The following ELL variants were observed in gnomAD, a reference collection of about 807,000 sequenced individuals.
The protein encoded by ELL is elongation factor for RNA polymerase II.
ELL carries 18 observed loss-of-function variants against 64.0 expected under a neutral mutation model. That is an observed-to-expected ratio of 0.28 (90% CI 0.19 to 0.42). The LOEUF is 0.42. Among genes scored for constraint, ELL ranks in the 10% least tolerant of loss-of-function variants. The pLI, the probability that ELL is intolerant of heterozygous loss-of-function variation, is 1.00. For synonymous variants in ELL, 399 were observed against 376.2 expected (o/e 1.06, Z -0.70); for missense variants, 797 against 870.4 (o/e 0.92, Z 1.06).
chr19:18,479,005 C>G (rs925326079), intron 1 of ELL, among the ~76,000 whole-genome samples: 23 of 152,188 alleles, frequency 1.5e-4, no homozygotes, highest in Admixed American at 1.5e-3. Context: ...GCCAGAATCC[C>G]CTGATCCTCT....
intron 10 of ELL, chr19:18,446,030 A>G (rs1600417704): frequency 4.4e-6 from 2 of 457,892 alleles, no homozygotes; most frequent in East Asian, 7.7e-5. Flanking sequence ...GTGGGGATCC[A>G]TGTACCCCGG....
At chr19:18,505,385 C>T (rs1187609560) in intron 1 of ELL, among the ~76,000 whole-genome samples, 26 of 152,216 alleles carry the variant, frequency 1.7e-4, no homozygotes. Flanking sequence ...CAAGGGCACC[C>T]GGCAATAAGC....
At chr19:18,468,260 C>CACAGAA (rs1434948842) in intron 2 of ELL, among the ~76,000 whole-genome samples, 1 of 151,852 alleles carries the variant, frequency 6.6e-6, no homozygotes, top group Non-Finnish European at 1.5e-5. Flanking sequence ...AATCCATACA[C>CACAGAA]ACAGAAACAC....
intron 1 of ELL, among the ~76,000 whole-genome samples, chr19:18,475,420 C>A (rs923771544): frequency 2.0e-5 from 3 of 152,192 alleles, no homozygotes; most frequent in African/African-American, 7.2e-5. Context: ...CAAGGCTCAG[C>A]CACTGTGGAA....
intron 1 of ELL, among the ~76,000 whole-genome samples, chr19:18,512,424 G>T (rs1408121290): frequency 6.6e-6 from 1 of 152,144 alleles, no homozygotes; most frequent in Admixed American, 6.6e-5. Flanking sequence ...GGTCGCTTCA[G>T]CTCAGAAGTT....
chr19:18,455,150 A>G (rs556867047), intron 6 of ELL, among the ~76,000 whole-genome samples: 11 of 151,456 alleles, frequency 7.3e-5, no homozygotes, highest in Non-Finnish European at 1.6e-4. Context: ...CCAAAAAAAA[A>G]AAAAAAGAAA....
intron 10 of ELL, 163 bp from the exon 11 acceptor site, chr19:18,445,431 G>A (rs1037994965): frequency 5.4e-5 from 39 of 721,304 alleles, no homozygotes; most frequent in Non-Finnish European, 9.2e-5. Flanking sequence ...CTGTAGCTCC[G>A]GAGTGGGTGG....
chr19:18,470,016 C>A (rs1487604114), intron 2 of ELL, among the ~76,000 whole-genome samples: 1 of 152,248 alleles, frequency 6.6e-6, no homozygotes, highest in Non-Finnish European at 1.5e-5. Context: ...AGCTAACAGC[C>A]CACTAAAGTG....
intron 1 of ELL, among the ~76,000 whole-genome samples, chr19:18,505,876 C>T (rs961656334): frequency 6.6e-6 from 1 of 152,172 alleles, no homozygotes; most frequent in African/African-American, 2.4e-5. Flanking sequence ...TGACCCCACA[C>T]AGCAGAGGGA....
chr19:18,450,853 C>T lies in ELL; in HGVS notation c.1089G>A (p.Glu363=). Residue 363 remains glutamate, a synonymous_variant, in exon 8 of 12, where the codon GAG becomes GAA. Coordinates refer to ENST00000262809, the MANE Select transcript of ELL (RefSeq NM_006532.4). ...NGKLGVPNGR[E]ALLPTPGPPA... ...GTGGGCCCGGGGTGGGCAGCAAGGC[C>T]TCACGGCCATTGGGCACGCCCAGCT... 1 of 1,591,346 alleles carries T rather than the reference C, an allele frequency of 6.3e-7. No individual in the cohort carries two copies. Among genetic ancestry groups the T allele is most frequent in the Non-Finnish European group, 8.6e-7 (1 of 1,167,150 alleles).
At chr19:18,445,292 G>T in intron 10 of ELL, 24 bp from the exon 11 acceptor site, 1 of 1,550,880 alleles carries the variant, frequency 6.4e-7, no homozygotes, top group South Asian at 1.1e-5. Context: ...AAAATTTTGA[G>T]AAAACAGAAT....
At position 18,473,235 on chromosome 19, in the gene ELL, C is replaced by A. The variant is rs1034605388; in HGVS notation, c.136-353G>T. ...CTGTGAATCCACCGGGAGAGAAGGG[C>A]AAGGCTCAAGGTGCTCACAGCCCTG... On this transcript the variant is annotated intron_variant, in intron 1 of 11. Coordinates refer to ENST00000262809, the MANE Select transcript of ELL (RefSeq NM_006532.4). 1.2e-5 allele frequency: 7 copies of A among 562,788 alleles called. No homozygotes were observed. The Admixed American group carries it at 1.3e-4, about 11-fold the overall frequency. 34.9% of individuals were successfully genotyped at this position (562,788 alleles called of 1,614,324 possible).
chr19:18,465,389 GC>G (rs755915695), intron 4 of ELL, 22 bp downstream of exon 4: 33 of 1,575,346 alleles, frequency 2.1e-5, no homozygotes, highest in Non-Finnish European at 2.8e-5. Flanking sequence ...CTGCCCTACA[GC>G]CCTGCCAAAC....
chr19:18,472,956 T>G, intron 1 of ELL, 74 bp from the exon 2 acceptor site: 1 of 1,398,254 alleles, frequency 7.2e-7, no homozygotes, highest in Non-Finnish European at 9.4e-7. Flanking sequence ...AAAGACTCCC[T>G]CCCCAGGTAT....
rs201725032 is a variant in ELL at position 18,450,672 on chromosome 19, G to A, written c.1270C>T (p.Arg424Cys). Residue 424 changes from arginine to cysteine, a missense_variant, in exon 8 of 12, where the codon CGC (arginine) becomes TGC (cysteine). Arg to Cys is a radical substitution (Grantham distance 180). Transcript: ENST00000262809. ...TCCGTCAGCAGGGGCAGGCCGAGGC[G>A]CACAGTGGGGGCTGGGGCAGCCGCC... Reference protein sequence around the residue: ...GEAAAPAPTVRLGLPLLTDCA... With the variant: ...GEAAAPAPTVCLGLPLLTDCA... 1.1e-3 allele frequency: 1,707 copies of A among 1,585,928 alleles called. 3 individuals are homozygous for A. The highest frequency in any genetic ancestry group is 1.4e-3 in the Non-Finnish European group (1,602 of 1,167,010).
chr19:18,510,547 G>A (rs555700700), intron 1 of ELL, among the ~76,000 whole-genome samples: 12 of 152,196 alleles, frequency 7.9e-5, no homozygotes, highest in South Asian at 2.1e-4. Flanking sequence ...GATCCTGCTC[G>A]AGACCTTCCT....
At position 18,444,788 on chromosome 19, in the gene ELL, G is replaced by A. The variant is rs777550277; in HGVS notation, c.1830C>T (p.Ala610=). The change falls in exon 12 of 12, where the codon GCC becomes GCT. Residue 610 remains alanine (A), a synonymous_variant. Transcript: ENST00000262809. The part of the protein sequence containing the change: ...SKLAHIKRLI[A]EYDQRQLQAW... ...CCTGCAGCTGCCGCTGGTCGTACTC[G>A]GCGATGAGCCTCTTGATGTGGGCCA... 1.7e-5 allele frequency: 27 copies of A among 1,609,346 alleles called. No individual in the cohort carries two copies. The highest frequency in any genetic ancestry group is 6.7e-5 in the African/African-American group (5 of 74,922).
intron 1 of ELL, among the ~76,000 whole-genome samples, chr19:18,520,533 C>G (rs1391374860): frequency 6.6e-6 from 1 of 151,896 alleles, no homozygotes; most frequent in East Asian, 1.9e-4. Context: ...GACACCGGGA[C>G]AGGGAGGAAA....
intron 9 of ELL, 24 bp downstream of exon 9, chr19:18,446,724 T>C (rs1229254139): frequency 3.1e-6 from 5 of 1,613,414 alleles, no homozygotes; most frequent in Non-Finnish European, 2.5e-6. Flanking sequence ...AGGCCTGGCC[T>C]GCAGGGCCCA....
Sources: gnomAD v4.1 joint callset for allele counts (sites outside exome capture counted in the v4.1 genomes callset) on GRCh38, gnomAD v4.1.1 for gene constraint, MANE v1.5 for transcripts, NCBI Gene and HGNC (gene_info 2026-07-23, HGNC 2026-07-21) for gene names.